The following KLHDC8A variants were observed in gnomAD, a reference collection of about 807,000 sequenced individuals.
The protein encoded by KLHDC8A is kelch domain containing 8A, also known as kelch domain-containing protein 8A.
KLHDC8A carries 21 observed loss-of-function variants against 33.1 expected under a neutral mutation model. The observed-to-expected ratio is 0.64, with a 90% CI of 0.45 to 0.91. The LOEUF is 0.91. Among genes scored for constraint, KLHDC8A ranks in the 40% least tolerant of loss-of-function variants. The pLI, the probability that KLHDC8A is intolerant of heterozygous loss-of-function variation, is 0.00. For missense variants in KLHDC8A, 435 were observed against 483.3 expected (o/e 0.90, Z 0.94); for synonymous variants, 173 against 193.5 (o/e 0.89, Z 0.88).
chr1:205,337,648 C>A, intron 5 of KLHDC8A, 56 bp from the exon 6 acceptor site: 1 of 1,329,434 alleles, frequency 7.5e-7, no homozygotes, highest in South Asian at 1.3e-5. Flanking sequence ...CAATCCATGC[C>A]CCACGGTCAC....
intron 1 of KLHDC8A, among the ~76,000 whole-genome samples, chr1:205,345,711 A>C (rs1018179141): frequency 6.6e-6 from 1 of 152,224 alleles, no homozygotes; most frequent in Admixed American, 6.5e-5. Flanking sequence ...ACTGCACTCC[A>C]GCCTGGGTGA....
intron 2 of KLHDC8A, 32 bp downstream of exon 2, chr1:205,343,197 C>T (rs1359757273): frequency 1.3e-6 from 2 of 1,544,610 alleles, no homozygotes; most frequent in Non-Finnish European, 1.8e-6. Context: ...ACTTCCTTCT[C>T]TCTGGCCGCC....
At chr1:205,345,599 GGCATGGTGGCAT>G (rs1227326728) in intron 1 of KLHDC8A, among the ~76,000 whole-genome samples, 1 of 151,446 alleles carries the variant, frequency 6.6e-6, no homozygotes, top group Admixed American at 6.6e-5. Flanking sequence ...AAATTAGCCA[GGCATGGTGGCAT>G]GCACCTGTAG....
rs377472593 is a variant in KLHDC8A at position 205,338,484 on chromosome 1, G to A, written c.859+11C>T. The A allele has an allele frequency of 4.4e-5, 71 of 1,599,146 alleles. No homozygotes were observed. The highest frequency in any genetic ancestry group is 5.2e-5 in the Non-Finnish European group (61 of 1,166,558). On this transcript the variant is annotated intron_variant, in intron 5 of 5. Transcript: ENST00000367155. ...CCACAATAAATTCCAGCGTGAAAGC[G>A]CCATCCTTACCAAGTCCCCCAGCCA... is the stretch of plus-strand genomic sequence containing the variant.
intron 1 of KLHDC8A, among the ~76,000 whole-genome samples, chr1:205,350,927 A>G (rs902304351): frequency 2.6e-5 from 4 of 152,210 alleles, no homozygotes; most frequent in Non-Finnish European, 5.9e-5. Context: ...GAGCAGGGCC[A>G]CAGACCCACA....
At position 205,343,526 on chromosome 1, in the gene KLHDC8A, G is replaced by A. The variant is rs139881201; in HGVS notation, c.79C>T (p.Leu27=). 1.9e-6 allele frequency: 3 copies of A among 1,613,138 alleles called. No homozygotes were observed. The African/African-American group carries it at 4.0e-5, about 22-fold the overall frequency. ...GCATAGACCTGGCCCCCGGTCTCCAGCAGGGAGCAGTAGACCCGGCGGCTG... is the reference window on the plus strand; with the variant it reads ...GCATAGACCTGGCCCCCGGTCTCCAACAGGGAGCAGTAGACCCGGCGGCTG... The part of the protein sequence containing the change: ...LPSRRVYCSL[L]ETGGQVYAIG... Residue 27 remains leucine, a synonymous_variant, in exon 2 of 6, where the codon CTG becomes TTG. Coordinates refer to ENST00000367155, the MANE Select transcript of KLHDC8A (RefSeq NM_018203.3).
rs575518646 is a variant in KLHDC8A, at chr1:205,353,760, G to A, written c.-190+2773C>T. On this transcript the variant is annotated intron_variant, in intron 1 of 5. Coordinates refer to ENST00000367155, the MANE Select transcript of KLHDC8A (RefSeq NM_018203.3). ...TGTTAAGTTGACACGGCAATATCTA[G>A]TGGCAATAAAAGGAAACAAACATTT... Among the ~76,000 whole-genome samples the A allele has an allele frequency of 2.4e-3, 369 of 152,248 alleles. 2 individuals carry two copies. Among genetic ancestry groups the A allele is most frequent in the African/African-American group, 8.6e-3 (356 of 41,544 alleles).
chr1:205,350,713 C>T (rs567317213), intron 1 of KLHDC8A, among the ~76,000 whole-genome samples: 4 of 152,348 alleles, frequency 2.6e-5, no homozygotes, highest in East Asian at 3.9e-4. Flanking sequence ...ATGATTTACA[C>T]ACCAGCCCTG....
chr1:205,346,034 A>C (rs1892040), intron 1 of KLHDC8A, among the ~76,000 whole-genome samples: 1 of 152,186 alleles, frequency 6.6e-6, no homozygotes, highest in East Asian at 1.9e-4. Context: ...AGATTGCACC[A>C]TTGCACTCCA....
chr1:205,339,161 G>A lies in KLHDC8A; in HGVS notation c.757+33C>T, dbSNP rs767834977. The stretch of plus-strand genomic sequence containing the variant: ...GAGCCAGCCAGAAGGGCAGTGGGCA[G>A]CCAGAGCTTCCTGGGGAAGGTGACC... On this transcript the variant is annotated intron_variant, in intron 4 of 5. Coordinates refer to ENST00000367155, the MANE Select transcript of KLHDC8A (RefSeq NM_018203.3). This position sits in a 1 kb window ranked among gnomAD's most constrained non-coding sequence, Gnocchi z 5.1. The A allele has an allele frequency of 2.7e-5, 42 of 1,584,874 alleles. No individual in the cohort carries two copies. The highest frequency in any genetic ancestry group is 3.5e-5 in the Non-Finnish European group (40 of 1,155,642).
chr1:205,348,513 C>G (rs1055618014), intron 1 of KLHDC8A: 3 of 152,212 alleles, frequency 2.0e-5, no homozygotes, highest in Non-Finnish European at 4.4e-5. Flanking sequence ...CAGGCTGCAT[C>G]TGAATCCTGG....
intron 1 of KLHDC8A, among the ~76,000 whole-genome samples, chr1:205,344,707 C>A (rs1046638364): frequency 4.6e-5 from 7 of 152,142 alleles, no homozygotes; most frequent in African/African-American, 1.7e-4. Context: ...GTGATGCACG[C>A]AGACCTGGCA....
In KLHDC8A at chr1:205,346,687, C is replaced by T. The variant is rs567385289; in HGVS notation, c.-189-2894G>A. 1.3e-3 allele frequency among the ~76,000 whole-genome samples: 199 copies of T among 152,284 alleles called. 2 individuals are homozygous for T. The highest frequency in any genetic ancestry group is 4.3e-3 in the African/African-American group (179 of 41,546). On this transcript the variant is annotated intron_variant, in intron 1 of 5. Transcript: ENST00000367155. ...AGTGACTTACTTAGGACCATGCAGGCCGTTCAGAGTGGGTCCAAGGTATGA... is the reference window on the plus strand; with the variant it reads ...AGTGACTTACTTAGGACCATGCAGGTCGTTCAGAGTGGGTCCAAGGTATGA...
At chr1:205,351,700 C>T (rs1379820777) in intron 1 of KLHDC8A, among the ~76,000 whole-genome samples, 1 of 151,474 alleles carries the variant, frequency 6.6e-6, no homozygotes, top group African/African-American at 2.4e-5. Flanking sequence ...GGGCGGATCA[C>T]CTGAGGTCGG....
At chr1:205,351,933 G>T (rs900538658) in intron 1 of KLHDC8A, among the ~76,000 whole-genome samples, 1 of 151,524 alleles carries the variant, frequency 6.6e-6, no homozygotes, top group African/African-American at 2.4e-5. Context: ...AAAAAAAAAA[G>T]GAGGTTTTCT....
intron 1 of KLHDC8A, among the ~76,000 whole-genome samples, chr1:205,353,394 A>C (rs1663173973): frequency 6.6e-6 from 1 of 152,232 alleles, no homozygotes; most frequent in African/African-American, 2.4e-5. Flanking sequence ...AGCAGAATGG[A>C]GTAGTTGCAA....
intron 1 of KLHDC8A, among the ~76,000 whole-genome samples, chr1:205,345,657 C>A (rs1426718908): frequency 6.6e-6 from 1 of 152,172 alleles, no homozygotes; most frequent in Non-Finnish European, 1.5e-5. Context: ...AGGAGGTTCA[C>A]CTGAGCCTGG....
Position 205,343,348 on chromosome 1 carries a change from C to T in KLHDC8A, c.257G>A (p.Gly86Asp), listed in dbSNP as rs1348560721. ...ALGKRIMVIG[G>D]VGTNQLPLKV... ...CAGGGGCAGCTGATTGGTGCCCACGCCCCCAATCACCATGATCCGCTTCCC... is the reference window on the plus strand; with the variant it reads ...CAGGGGCAGCTGATTGGTGCCCACGTCCCCAATCACCATGATCCGCTTCCC... The change falls in exon 2 of 6, where the codon GGC (glycine) becomes GAC (aspartate). Residue 86 changes from glycine (G) to aspartate (D), a missense_variant. By Grantham distance (94) the Gly-to-Asp change is moderately conservative (BLOSUM62 -1). Transcript: ENST00000367155. 1 of 1,613,792 alleles carries T rather than the reference C, an allele frequency of 6.2e-7. No individual in the cohort carries two copies. The highest frequency in any genetic ancestry group is 1.1e-5 in the South Asian group (1 of 91,086).
At chr1:205,344,872 GACAA>G (rs1331580670) in intron 1 of KLHDC8A, among the ~76,000 whole-genome samples, 1 of 151,826 alleles carries the variant, frequency 6.6e-6, no homozygotes, top group Non-Finnish European at 1.5e-5. Flanking sequence ...CACCAACATA[GACAA>G]ACACACACGG....
Sources: gnomAD v4.1 joint callset for allele counts (sites outside exome capture counted in the v4.1 genomes callset) on GRCh38, gnomAD v4.1.1 for gene constraint, Gnocchi (gnomAD v3.1) non-coding constraint, MANE v1.5 for transcripts, NCBI Gene and HGNC (gene_info 2026-07-23, HGNC 2026-07-21) for gene names.